CSMD1: variants seen among roughly 807,000 people sequenced by gnomAD.
CSMD1 encodes the protein CUB and Sushi multiple domains 1, also known as CUB and sushi domain-containing protein 1.
A neutral mutation model predicts 417.5 loss-of-function variants in CSMD1; 213 were observed. The observed-to-expected ratio is 0.51, with a 90% CI of 0.46 to 0.57. The LOEUF is 0.57. Ranked by LOEUF, CSMD1 falls within the 20% of genes least tolerant of loss-of-function variation. The probability of loss-of-function intolerance (pLI) is 0.00; values close to 1 mark genes in which losing one functional copy is unlikely to be tolerated. For missense variants in CSMD1, 6,923 were observed against 4,529.7 expected, an observed-to-expected ratio of 1.53 and a Z score of -15.17; for synonymous variants, 2,862 against 1,736.8, an observed-to-expected ratio of 1.65 and a Z score of -16.11.
At chr8:4,190,474 T>C (rs1798956654) in intron 3 of CSMD1, among the ~76,000 whole-genome samples, 1 of 152,002 alleles carries the variant, frequency 6.6e-6, no homozygotes, top group Non-Finnish European at 1.5e-5. Flanking sequence ...TATTAGAGTA[T>C]TTCGTAAGTT....
At chr8:3,794,240 C>A (rs932868134) in intron 5 of CSMD1, among the ~76,000 whole-genome samples, 5 of 152,208 alleles carry the variant, frequency 3.3e-5, no homozygotes, top group African/African-American at 9.6e-5. Context: ...CTGTTCTACG[C>A]AGTTGAGATG....
At chr8:4,181,993 C>T (rs1354595960) in intron 3 of CSMD1, among the ~76,000 whole-genome samples, 1 of 145,600 alleles carries the variant, frequency 6.9e-6, no homozygotes, top group Non-Finnish European at 1.5e-5. Flanking sequence ...GTAATGTTTA[C>T]ATTTTTAAGT....
intron 3 of CSMD1, among the ~76,000 whole-genome samples, chr8:4,039,754 G>T (rs1435838083): frequency 3.3e-5 from 5 of 152,122 alleles, no homozygotes; most frequent in Admixed American, 3.3e-4. Context: ...AATTGATGTG[G>T]GGGAAGTCGT....
chr8:3,274,434 T>G (rs1479925561), intron 26 of CSMD1, among the ~76,000 whole-genome samples: 2 of 152,164 alleles, frequency 1.3e-5, no homozygotes, highest in African/African-American at 2.4e-5. Context: ...TCTGTAGATG[T>G]CTATTAGGTC....
intron 5 of CSMD1, among the ~76,000 whole-genome samples, chr8:3,893,912 G>A (rs1282642152): frequency 6.6e-6 from 1 of 151,992 alleles, no homozygotes; most frequent in Non-Finnish European, 1.5e-5. Context: ...TGCAATTCAT[G>A]AGCAAGCATG....
rs28463395 is a variant in CSMD1, at chr8:3,560,698, G to C, written c.1344+14247C>G. On this transcript the variant is annotated intron_variant, in intron 10 of 69. Transcript: ENST00000635120. ...TCATGGAAACCATGAATTTCTCTCA[G>C]GGTACTTTTTGACATAAATTAGTGG... Among the ~76,000 whole-genome samples the C allele has an allele frequency of 6.2e-4, 94 of 152,122 alleles. 1 individual carries two copies. The highest frequency in any genetic ancestry group is 2.1e-3 in the African/African-American group (88 of 41,520).
chr8:4,432,689 G>A lies in CSMD1; in HGVS notation c.303-12624C>T, dbSNP rs185156414. ...GGAGAGACAAGATTCAAACCCTGGC[G>A]TCTCTCTCCAGAGCCTGTGCTTTTA... On this transcript the variant is annotated intron_variant, in intron 2 of 69. Transcript: ENST00000635120. Among the ~76,000 whole-genome samples the A allele has an allele frequency of 3.2e-4, 49 of 152,264 alleles. 1 individual carries two copies. The East Asian group carries it at 8.1e-3, about 25-fold the overall frequency.
chr8:4,787,983 C>G (rs1356361989), intron 1 of CSMD1: 1 of 1,594,414 alleles, frequency 6.3e-7, no homozygotes, highest in Non-Finnish European at 8.6e-7. Context: ...TCGAAGCCAA[C>G]AGAAAGACAA....
At chr8:3,772,488 CACATAT>C (rs1798650875) in intron 5 of CSMD1, among the ~76,000 whole-genome samples, 1 of 24,784 alleles carries the variant, frequency 4.0e-5, no homozygotes, top group Non-Finnish European at 8.9e-5. Flanking sequence ...TACATATATA[CACATAT>C]ATACATATAT....
intron 26 of CSMD1, among the ~76,000 whole-genome samples, chr8:3,254,539 C>T (rs1486921229): frequency 6.6e-6 from 1 of 152,188 alleles, no homozygotes; most frequent in African/African-American, 2.4e-5. Context: ...GGTCTTTTCA[C>T]ATAGTCCCAT....
At chr8:3,665,918 C>T (rs996551183) in intron 7 of CSMD1, among the ~76,000 whole-genome samples, 2 of 152,040 alleles carry the variant, frequency 1.3e-5, no homozygotes, top group Non-Finnish European at 2.9e-5. Context: ...CACTCTGTCA[C>T]CCAGGCTGGA....
intron 6 of CSMD1, among the ~76,000 whole-genome samples, chr8:3,750,776 AG>A (rs1429577937): frequency 1.3e-5 from 2 of 152,122 alleles, no homozygotes; most frequent in Non-Finnish European, 2.9e-5. Context: ...GACTCTGAGA[AG>A]GGCCCATCTC....
intron 3 of CSMD1, among the ~76,000 whole-genome samples, chr8:4,371,651 C>T (rs967903192): frequency 1.6e-4 from 25 of 152,236 alleles, no homozygotes; most frequent in East Asian, 7.7e-4. Context: ...TTCTTTCTTA[C>T]GTCTTAAAGT....
rs769587172 is a variant in CSMD1 at position 4,065,350 on chromosome 8, A to G, written c.416-33251T>C. ...AACCAGAATAAGGCTGGTGTTCACC[A>G]AAGTCATGGATAGTTAGTAAAAGTT... On this transcript the variant is annotated intron_variant, in intron 3 of 69. Transcript: ENST00000635120. 3.3e-5 allele frequency among the ~76,000 whole-genome samples: 5 copies of G among 152,246 alleles called. 1 individual carries two copies. Among genetic ancestry groups the G allele is most frequent in the Admixed American group, 1.3e-4 (2 of 15,288 alleles).
intron 1 of CSMD1, among the ~76,000 whole-genome samples, chr8:4,963,648 C>A (rs188320782): frequency 6.6e-6 from 1 of 152,150 alleles, no homozygotes; most frequent in African/African-American, 2.4e-5. Flanking sequence ...GAAGATAATA[C>A]GTGTAGTATG....
In CSMD1 at chr8:2,941,522, G is replaced by C. The variant is rs555334667; in HGVS notation, c.10535+950C>G. On this transcript the variant is annotated intron_variant, in intron 69 of 69. Coordinates refer to ENST00000635120, the MANE Select transcript of CSMD1 (RefSeq NM_033225.6). ...AGTTTGGCATTTCCAGATTCCTCCAGGTAATGTATTATCCATATATGGAAA... is the reference window on the plus strand; with the variant it reads ...AGTTTGGCATTTCCAGATTCCTCCACGTAATGTATTATCCATATATGGAAA... Among the ~76,000 whole-genome samples, 12 of 152,202 alleles carry C rather than the reference G, an allele frequency of 7.9e-5. No individual in the cohort carries two copies. The South Asian group carries it at 2.5e-3, about 32-fold the overall frequency.
chr8:4,070,896 G>C (rs2130778548), intron 3 of CSMD1, among the ~76,000 whole-genome samples: 1 of 152,134 alleles, frequency 6.6e-6, no homozygotes, highest in South Asian at 2.1e-4. Flanking sequence ...CTTTCTTTTT[G>C]CTTTTAGCAC....
intron 1 of CSMD1, among the ~76,000 whole-genome samples, chr8:4,724,520 A>ATGTGTGTGTG (rs66498850): frequency 4.1e-5 from 6 of 145,308 alleles, no homozygotes; most frequent in African/African-American, 1.5e-4. Context: ...TTATATATAT[A>ATGTGTGTGTG]TGTGTGTGTG....
intron 1 of CSMD1, among the ~76,000 whole-genome samples, chr8:4,801,522 G>A (rs941446768): frequency 1.3e-5 from 2 of 151,982 alleles, no homozygotes; most frequent in Admixed American, 6.6e-5. Flanking sequence ...TTGAAGGGCA[G>A]CAGTTACTAA....
Sources: gnomAD v4.1 joint callset for allele counts (sites outside exome capture counted in the v4.1 genomes callset) on GRCh38, gnomAD v4.1.1 for gene constraint, MANE v1.5 for transcripts, NCBI Gene and HGNC (gene_info 2026-07-23, HGNC 2026-07-21) for gene names.